Variants in MROH7 observed in about 807,000 individuals in gnomAD.
The protein encoded by MROH7 is maestro heat like repeat family member 7.
A neutral mutation model predicts 129.2 loss-of-function variants in MROH7; 113 were observed. The observed-to-expected ratio is 0.87, with a 90% CI of 0.75 to 1.02. MROH7 has a LOEUF of 1.02. Ranked by LOEUF, MROH7 falls within the 50% of genes least tolerant of loss-of-function variation. The probability of loss-of-function intolerance (pLI) is 0.00; values close to 1 mark genes in which losing one functional copy is unlikely to be tolerated. For synonymous variants in MROH7, 655 were observed against 667.9 expected (o/e 0.98, Z 0.30); for missense variants, 1,601 against 1,671.3 (o/e 0.96, Z 0.73).
intron 15 of MROH7, 24 bp from the exon 16 acceptor site, chr1:54,692,400 G>T (rs745560203): frequency 6.2e-7 from 1 of 1,613,400 alleles, no homozygotes; most frequent in Non-Finnish European, 8.5e-7. Context: ...TAGGCATGAG[G>T]TCTTAATTGC....
chr1:54,695,240 G>C, intron 16 of MROH7, 136 bp from the exon 17 acceptor site: 1 of 616,840 alleles, frequency 1.6e-6, no homozygotes, highest in South Asian at 2.0e-5. Context: ...ATCCCACCCA[G>C]GTGGAAAATC....
At chr1:54,671,015 C>T in intron 7 of MROH7, 86 bp downstream of exon 7, 3 of 1,441,698 alleles carry the variant, frequency 2.1e-6, no homozygotes, top group Non-Finnish European at 2.8e-6. Context: ...GCTCATTGGT[C>T]TGTGGCCTTG....
intron 21 of MROH7, among the ~76,000 whole-genome samples, chr1:54,704,711 G>A (rs1167535459): frequency 6.6e-6 from 1 of 150,864 alleles, no homozygotes; most frequent in African/African-American, 2.4e-5. Flanking sequence ...CTCCCAAAGT[G>A]CTGGGATTAC....
chr1:54,679,287 C>T lies in MROH7; in HGVS notation c.2074C>T (p.Gln692Ter). The T allele has an allele frequency of 6.2e-7, 1 of 1,614,196 alleles. No homozygotes were observed. The highest frequency in any genetic ancestry group is 8.5e-7 in the Non-Finnish European group (1 of 1,180,028). ...IEEFGDFLGP[Q>*]QIKDLLLAAL... is the part of the protein sequence containing the mutation. ...GGAATTTGGAGACTTCCTGGGGCCC[C>T]AGCAGATAAAGGACCTGCTGCTGGC... Residue 692 changes from glutamine to a stop codon, truncating the protein, a stop_gained, in exon 12 of 24, where the codon CAG becomes TAG. Coordinates refer to ENST00000421030, the MANE Select transcript of MROH7 (RefSeq NM_001039464.4). LOFTEE classifies it high-confidence loss of function.
intron 3 of MROH7, among the ~76,000 whole-genome samples, chr1:54,661,010 CT>C (rs34137020): frequency 0.14 from 16,409 of 117,288 alleles, 2,539 homozygotes; most frequent in African/African-American, 0.4. Context: ...ACGTTTTGTG[CT>C]TTTTTTTTTT....
chr1:54,670,633 G>T, intron 6 of MROH7, 57 bp downstream of exon 6: 1 of 1,540,258 alleles, frequency 6.5e-7, no homozygotes, highest in Non-Finnish European at 8.8e-7. Context: ...CTCCACTTCT[G>T]CCTCCCTCCA....
intron 15 of MROH7, among the ~76,000 whole-genome samples, chr1:54,689,146 G>T (rs1645195021): frequency 6.6e-6 from 1 of 152,202 alleles, no homozygotes; most frequent in Non-Finnish European, 1.5e-5. Context: ...AGGATCTCAA[G>T]ATGAGGTCCT....
Position 54,643,791 on chromosome 1 carries a change from T to A in MROH7, c.-110+1823T>A, listed in dbSNP as rs114905752. On this transcript the variant is annotated intron_variant, in intron 1 of 23. Coordinates refer to ENST00000421030, the MANE Select transcript of MROH7 (RefSeq NM_001039464.4). ...CATGCATTTTTATTTCATCTGAGAA[T>A]GTCTTTATTTCCCTTTCATTCCTCA... Among the ~76,000 whole-genome samples the A allele has an allele frequency of 2.6e-3, 396 of 152,342 alleles. 3 individuals are homozygous for A. The highest frequency in any genetic ancestry group is 8.9e-3 in the African/African-American group (372 of 41,570).
intron 7 of MROH7, 53 bp from the exon 8 acceptor site, chr1:54,673,038 C>T: frequency 1.4e-6 from 2 of 1,389,496 alleles, no homozygotes; most frequent in Non-Finnish European, 2.0e-6. Context: ...CCGCCTGGGG[C>T]TGGTGTCCGC....
rs141327420 is a variant in MROH7 at position 54,671,159 on chromosome 1, G to A, written c.1599+230G>A. On this transcript the variant is annotated intron_variant, in intron 7 of 23. Transcript: ENST00000421030. The stretch of plus-strand genomic sequence containing the variant: ...TCCCAGCACTTTGGGAGGCTGAGCC[G>A]GGTGGATCACGAGGTCAGGAGACTG... Among the ~76,000 whole-genome samples, 341 of 152,242 alleles carry A rather than the reference G, an allele frequency of 2.2e-3. 1 individual carries two copies. The highest frequency in any genetic ancestry group is 4.2e-3 in the Non-Finnish European group (285 of 67,996).
At chr1:54,689,792 T>C (rs1441909945) in intron 15 of MROH7, among the ~76,000 whole-genome samples, 3 of 152,172 alleles carry the variant, frequency 2.0e-5, no homozygotes, top group African/African-American at 7.2e-5. Context: ...GGAGAATCGC[T>C]TGAGGCCAGG....
intron 1 of MROH7, among the ~76,000 whole-genome samples, 187 bp downstream of exon 1, chr1:54,642,155 TTCCAAGTCTC>T (rs894814008): frequency 1.8e-4 from 27 of 151,596 alleles, no homozygotes; most frequent in African/African-American, 6.5e-4. Context: ...TTTGTCTTTT[TTCCAAGTCTC>T]CCCAGCCTGC....
At chr1:54,649,649 G>A (rs889516881) in intron 1 of MROH7, among the ~76,000 whole-genome samples, 1 of 152,244 alleles carries the variant, frequency 6.6e-6, no homozygotes, top group African/African-American at 2.4e-5. Flanking sequence ...AAACAAGTTA[G>A]GTCTTTGAAG....
intron 1 of MROH7, among the ~76,000 whole-genome samples, chr1:54,650,370 G>A (rs1644535444): frequency 6.6e-6 from 1 of 152,200 alleles, no homozygotes; most frequent in East Asian, 1.9e-4. Flanking sequence ...AATTTGTGGA[G>A]TGAGTAAATG....
intron 4 of MROH7, among the ~76,000 whole-genome samples, chr1:54,666,425 ATTTTTT>A (rs71048704): frequency 0.076 from 5,236 of 69,276 alleles, 517 homozygotes; most frequent in African/African-American, 0.25. Context: ...GAGAAGAGGA[ATTTTTT>A]TTTTTTTTTT....
At position 54,644,714 on chromosome 1, in the gene MROH7, C is replaced by T. The variant is rs145892042; in HGVS notation, c.-110+2746C>T. Reference sequence around the variant, plus strand: ...ATGAGGTCCCACTGTGTTGCCCAGGCTGGTCTAGAGCTCCTGGGCTCAAGT... The same window carrying T: ...ATGAGGTCCCACTGTGTTGCCCAGGTTGGTCTAGAGCTCCTGGGCTCAAGT... On this transcript the variant is annotated intron_variant, in intron 1 of 23. Transcript: ENST00000421030. 2.1e-3 allele frequency among the ~76,000 whole-genome samples: 318 copies of T among 150,784 alleles called. 1 individual carries two copies. Among genetic ancestry groups the T allele is most frequent in the South Asian group, 8.0e-3 (38 of 4,776 alleles).
chr1:54,695,473 A>C lies in MROH7; in HGVS notation c.2947A>C (p.Thr983Pro). Reference protein sequence around the residue: ...RGDEKHRITATAFFVELLQME... With the variant: ...RGDEKHRITAPAFFVELLQME... Reference sequence around the variant, plus strand: ...CGACGAGAAGCACAGGATCACGGCCACCGCCTTCTTCGTGGAGGTACCAAC... The same window carrying C: ...CGACGAGAAGCACAGGATCACGGCCCCCGCCTTCTTCGTGGAGGTACCAAC... Residue 983 changes from threonine to proline, a missense_variant, in exon 17 of 24, where the codon ACC becomes CCC. Coordinates refer to ENST00000421030, the MANE Select transcript of MROH7 (RefSeq NM_001039464.4). The C allele has an allele frequency of 6.2e-7, 1 of 1,613,524 alleles. No individual in the cohort carries two copies. The highest frequency in any genetic ancestry group is 8.5e-7 in the Non-Finnish European group (1 of 1,179,716).
chr1:54,660,476 A>G (rs1644714615), intron 3 of MROH7, among the ~76,000 whole-genome samples: 1 of 152,218 alleles, frequency 6.6e-6, no homozygotes, highest in African/African-American at 2.4e-5. Context: ...TGTGAGTTTC[A>G]ATTGTTCCAC....
intron 13 of MROH7, 48 bp from the exon 14 acceptor site, chr1:54,682,607 GC>G: frequency 6.3e-7 from 1 of 1,574,970 alleles, no homozygotes; most frequent in Non-Finnish European, 8.6e-7. Flanking sequence ...GGCTGGGTTA[GC>G]CCCACTGCCT....
Sources: allele counts gnomAD v4.1 joint callset (sites outside exome capture counted in the v4.1 genomes callset), GRCh38; gene constraint gnomAD v4.1.1; transcripts MANE v1.5; gene names NCBI Gene and HGNC (gene_info 2026-07-23, HGNC 2026-07-21).